The following CADM1 variants were observed in gnomAD, a reference collection of about 807,000 sequenced individuals.
CADM1 encodes the protein cell adhesion molecule 1, also known as TSLC-1.
Under a neutral mutation model 53.1 loss-of-function variants are expected in CADM1, and 15 were observed. The observed-to-expected ratio is 0.28, with a 90% CI of 0.19 to 0.44. The LOEUF is 0.44. Ranked by LOEUF, CADM1 falls within the 20% of genes least tolerant of loss-of-function variation. CADM1 has a pLI of 1.00. For missense variants in CADM1, 434 were observed against 611.3 expected (o/e 0.71, Z 3.06); for synonymous variants, 281 against 243.0 (o/e 1.16, Z -1.45).
chr11:115,409,668 G>GT (rs1379147790), intron 1 of CADM1, among the ~76,000 whole-genome samples: 1 of 151,664 alleles, frequency 6.6e-6, no homozygotes, highest in African/African-American at 2.4e-5. Flanking sequence ...AATGCATGCA[G>GT]TTTTAAGGAA....
rs144900346 is a variant in CADM1 at position 115,327,093 on chromosome 11, GTTATC to G, written c.125-86678_125-86674del. Among the ~76,000 whole-genome samples the G allele has an allele frequency of 2.2e-3, 340 of 152,170 alleles. 2 individuals carry two copies. The highest frequency in any genetic ancestry group is 7.0e-3 in the African/African-American group (292 of 41,526). On this transcript the variant is annotated intron_variant, in intron 1 of 11. Transcript: ENST00000331581. ...ACATACATACTATTTTTATATACAT[GTTATC>G]TTATCTACTTGCCATCTTTACATGC...
At chr11:115,453,433 G>A (rs943921319) in intron 1 of CADM1, among the ~76,000 whole-genome samples, 13 of 151,578 alleles carry the variant, frequency 8.6e-5, no homozygotes, top group Non-Finnish European at 1.9e-4. Context: ...CACTTATCAC[G>A]GGCTATGTGC....
At chr11:115,414,064 C>T (rs72997919) in intron 1 of CADM1, among the ~76,000 whole-genome samples, 12,971 of 151,674 alleles carry the variant, frequency 0.086, 786 homozygotes, top group Middle Eastern at 0.13. Context: ...TAAGTATATA[C>T]ACACACACAC....
intron 1 of CADM1, among the ~76,000 whole-genome samples, chr11:115,277,663 G>A (rs1195879317): frequency 6.6e-6 from 1 of 152,110 alleles, no homozygotes; most frequent in Non-Finnish European, 1.5e-5. Flanking sequence ...GTTAATGGAG[G>A]AGAGACTGCC....
In CADM1 at chr11:115,209,653, G is replaced by A. The variant is rs747090126; in HGVS notation, c.999C>T (p.Pro333=). 6.2e-7 allele frequency: 1 copy of A among 1,612,924 alleles called. No homozygotes were observed. Among genetic ancestry groups the A allele is most frequent in the Non-Finnish European group, 8.5e-7 (1 of 1,179,768 alleles). The change falls in exon 8 of 12, where the codon CCC becomes CCT. Residue 333 remains proline, a synonymous_variant. Transcript: ENST00000331581. ...TTGTGGGAGGAGGGATAGTTGTGGGGGGATCTGGATAGAAAAAAAAAGGAA... is the reference window on the plus strand; with the variant it reads ...TTGTGGGAGGAGGGATAGTTGTGGGAGGATCTGGATAGAAAAAAAAAGGAA... ...HSDYMLYVYD[P]PTTIPPPTTT... is the part of the protein sequence containing the mutation.
intron 3 of CADM1, among the ~76,000 whole-genome samples, chr11:115,233,832 G>C (rs1246957468): frequency 6.6e-6 from 1 of 152,168 alleles, no homozygotes; most frequent in Non-Finnish European, 1.5e-5. Context: ...TGTAACTGAT[G>C]GGATAGGAAC....
At chr11:115,355,394 G>A (rs1262255029) in intron 1 of CADM1, among the ~76,000 whole-genome samples, 1 of 152,150 alleles carries the variant, frequency 6.6e-6, no homozygotes, top group Non-Finnish European at 1.5e-5. Context: ...TCACTCATCA[G>A]TAGGAGCAAA....
At chr11:115,230,239 C>T (rs1941767589) in intron 4 of CADM1, among the ~76,000 whole-genome samples, 1 of 152,080 alleles carries the variant, frequency 6.6e-6, no homozygotes, top group East Asian at 1.9e-4. Flanking sequence ...ATTTCTATAT[C>T]CTCTTTCTAA....
At chr11:115,448,452 C>G (rs546250629) in intron 1 of CADM1, among the ~76,000 whole-genome samples, 13 of 152,118 alleles carry the variant, frequency 8.5e-5, no homozygotes, top group Non-Finnish European at 1.8e-4. Context: ...AAAGACAATG[C>G]CACAATGTGT....
At position 115,174,254 on chromosome 11, in the gene CADM1, A is replaced by G; in HGVS notation, c.*2220T>C. On this transcript the variant is annotated 3_prime_UTR_variant, in exon 12 of 12. Coordinates refer to ENST00000331581, the MANE Select transcript of CADM1 (RefSeq NM_001301043.2). ...CCAAAAATGAGATGCCAATTCTGTG[A>G]GCAATGGTGTGATTTTTTTTTTTTG... The G allele has an allele frequency of 1.0e-6, 1 of 981,964 alleles. No homozygotes were observed. Among genetic ancestry groups the G allele is most frequent in the Non-Finnish European group, 1.2e-6 (1 of 829,054 alleles). The allele number at this position is 981,964 out of a possible 1,614,324, so 60.8% of individuals were successfully genotyped here.
intron 1 of CADM1, among the ~76,000 whole-genome samples, chr11:115,267,233 A>T (rs1018074539): frequency 1.3e-5 from 2 of 152,260 alleles, no homozygotes; most frequent in Non-Finnish European, 2.9e-5. Flanking sequence ...TGTAGGAGGT[A>T]CAACCCAAAT....
Position 115,340,658 on chromosome 11 carries a change from A to ATATATATATTT in CADM1, c.125-100239_125-100238insAAATATATATA, listed in dbSNP as rs60532835. 3.7e-4 allele frequency among the ~76,000 whole-genome samples: 13 copies of ATATATATATTT among 34,936 alleles called. 1 individual carries two copies. The highest frequency in any genetic ancestry group is 1.1e-3 in the East Asian group (1 of 916). 22.9% of individuals were successfully genotyped at this position (34,936 alleles called of 152,430 possible). On this transcript the variant is annotated intron_variant, in intron 1 of 11. Transcript: ENST00000331581. ...TATATATATATATATATATATATAT[A>ATATATATATTT]TTTTTTTTTTTTTTTTTTTTGAGAC...
intron 1 of CADM1, among the ~76,000 whole-genome samples, chr11:115,448,215 C>T (rs1948495249): frequency 6.6e-6 from 1 of 152,114 alleles, no homozygotes; most frequent in African/African-American, 2.4e-5. Context: ...AATTGTTTCC[C>T]TTTCTCATTC....
At chr11:115,488,327 G>A (rs1457029583) in intron 1 of CADM1, among the ~76,000 whole-genome samples, 1 of 152,168 alleles carries the variant, frequency 6.6e-6, no homozygotes, top group Non-Finnish European at 1.5e-5. Flanking sequence ...TGACTATGAA[G>A]GGAACACTTT....
intron 1 of CADM1, among the ~76,000 whole-genome samples, chr11:115,248,550 C>CA (rs957186055): frequency 6.6e-6 from 1 of 151,724 alleles, no homozygotes; most frequent in Admixed American, 6.5e-5. Flanking sequence ...AAGCTAATGG[C>CA]AAAAAAAGAA....
rs1944925345 is a variant in CADM1, at chr11:115,325,056, G to A, written c.125-84636C>T. Among the ~76,000 whole-genome samples, 3 of 152,284 alleles carry A rather than the reference G, an allele frequency of 2.0e-5. No homozygotes were observed. In the South Asian group the frequency reaches 6.2e-4, roughly 32 times the overall value. On this transcript the variant is annotated intron_variant, in intron 1 of 11. Transcript: ENST00000331581. ...TCACGTAAATGGAAGGTTCGTTAGA[G>A]CATCTATTAAGAGGATTTTCAAAGG...
chr11:115,323,222 T>G (rs1944869585), intron 1 of CADM1, among the ~76,000 whole-genome samples: 1 of 152,210 alleles, frequency 6.6e-6, no homozygotes, highest in South Asian at 2.1e-4. Flanking sequence ...ATTGATGATG[T>G]GTTTATCTTC....
At chr11:115,287,583 C>G (rs1273935447) in intron 1 of CADM1, 1 of 152,216 alleles carries the variant, frequency 6.6e-6, no homozygotes, top group African/African-American at 2.4e-5. Flanking sequence ...CAAACAGCAA[C>G]AGAGCATCAG....
At chr11:115,478,752 G>A (rs1949192896) in intron 1 of CADM1, among the ~76,000 whole-genome samples, 1 of 152,112 alleles carries the variant, frequency 6.6e-6, no homozygotes, top group Non-Finnish European at 1.5e-5. Flanking sequence ...ATGCATTATA[G>A]ATTAATTATA....
Sources: gnomAD v4.1 joint callset for allele counts (sites outside exome capture counted in the v4.1 genomes callset) on GRCh38, gnomAD v4.1.1 for gene constraint, MANE v1.5 for transcripts, NCBI Gene and HGNC (gene_info 2026-07-23, HGNC 2026-07-21) for gene names.